Variants in AEN observed in about 807,000 individuals in gnomAD.
The protein encoded by AEN is apoptosis-enhancing nuclease.
AEN carries 21 observed loss-of-function variants against 17.7 expected under a neutral mutation model. That is an observed-to-expected ratio of 1.19 (90% CI 0.84 to 1.71). The LOEUF (loss-of-function observed/expected upper bound fraction) is 1.71. Among genes scored for constraint, AEN ranks in the 40% most tolerant of loss-of-function variants. The pLI is 0.00. For missense variants in AEN, 462 were observed against 435.9 expected (o/e 1.06, Z -0.53); for synonymous variants, 190 against 173.0 (o/e 1.10, Z -0.77).
the AEN span, among the ~76,000 whole-genome samples, chr15:88,605,982 C>G: frequency 3.0e-4 from 46 of 152,362 alleles, no homozygotes; most frequent in South Asian, 8.3e-3. This position sits in a 1 kb window ranked among gnomAD's most constrained non-coding sequence, Gnocchi z 7.6. Context: ...TCATCTTCCT[C>G]ATTTCTCCAG....
intron 1 of AEN, among the ~76,000 whole-genome samples, chr15:88,623,060 A>G (rs77976405): frequency 6.6e-6 from 1 of 152,166 alleles, no homozygotes; most frequent in African/African-American, 2.4e-5. Flanking sequence ...CAGAGAAAGG[A>G]GGGGACTATC....
At chr15:88,623,600 G>A (rs987819550) in intron 1 of AEN, among the ~76,000 whole-genome samples, 3 of 152,204 alleles carry the variant, frequency 2.0e-5, no homozygotes, top group Non-Finnish European at 2.9e-5. Context: ...ACTTTGAAGG[G>A]TGTAATAATT....
chr15:88,611,129 G>A, the AEN span, among the ~76,000 whole-genome samples: 14 of 152,154 alleles, frequency 9.2e-5, no homozygotes, highest in Non-Finnish European at 1.5e-4. Context: ...TTTTCACCAT[G>A]GGCCATGCCC....
chr15:88,610,112 C>G, the AEN span, among the ~76,000 whole-genome samples: 1 of 152,154 alleles, frequency 6.6e-6, no homozygotes, highest in African/African-American at 2.4e-5. Context: ...TATTACTTCT[C>G]AAAGTTTATT....
the AEN span, among the ~76,000 whole-genome samples, chr15:88,612,545 G>A: frequency 6.6e-6 from 1 of 151,950 alleles, no homozygotes; most frequent in African/African-American, 2.4e-5. Flanking sequence ...ATTAGAATTA[G>A]TGATCAGAAA....
rs1273856659 is a variant in AEN, at chr15:88,630,181, G to T, written c.865G>T (p.Glu289Ter). The T allele has an allele frequency of 6.2e-7, 1 of 1,613,586 alleles. No homozygotes were observed. The highest frequency in any genetic ancestry group is 8.5e-7 in the Non-Finnish European group (1 of 1,179,784). ...CCTCTGGACCTGCCCCGAGGACAGA[G>T]AACCTGACAGCAGCACAGACATGGA... ...RSLWTCPEDR[E>*]PDSSTDMEQY... is the part of the protein sequence containing the mutation. The change falls in exon 4 of 4, where the codon GAA (glutamate) becomes TAA (stop). Residue 289 changes from glutamate to a stop codon, truncating the protein, a stop_gained. Transcript: ENST00000332810. LOFTEE classifies it low-confidence loss of function (END_TRUNC). This position sits in a 1 kb window ranked among gnomAD's most constrained non-coding sequence, Gnocchi z 5.1.
At chr15:88,621,414 G>C (rs931262717) in intron 1 of AEN, 32 bp downstream of exon 1, 1 of 152,556 alleles carries the variant, frequency 6.6e-6, no homozygotes, top group South Asian at 2.1e-4. Flanking sequence ...CGGGGCGGCG[G>C]GGTCGGGCGG....
chr15:88,629,561 G>C, intron 3 of AEN, 135 bp downstream of exon 3: 1 of 1,032,684 alleles, frequency 9.7e-7, no homozygotes, highest in Non-Finnish European at 1.4e-6. Context: ...CAGGGACCTT[G>C]CTTAAATGGG....
In AEN at chr15:88,626,161, G is replaced by A. The variant is rs749224406; in HGVS notation, c.-49G>A. On this transcript the variant is annotated 5_prime_UTR_variant, in exon 2 of 4. Transcript: ENST00000332810. Reference sequence around the variant, plus strand: ...CTCTCTTCAGGCTGCTGCCCCATTGGAAGATTACTCCCCAGGCTTCCCTTG... The same window carrying A: ...CTCTCTTCAGGCTGCTGCCCCATTGAAAGATTACTCCCCAGGCTTCCCTTG... The A allele has an allele frequency of 2.0e-6, 3 of 1,518,968 alleles. No homozygotes were observed. The highest frequency in any genetic ancestry group is 1.8e-6 in the Non-Finnish European group (2 of 1,137,520). 94.1% of individuals were successfully genotyped at this position (1,518,968 alleles called of 1,614,324 possible). A position where few individuals can be genotyped will look rare whatever the true frequency, so the allele number is the denominator to read the frequency against.
At chr15:88,616,781 T>A (rs971909622), upstream of AEN, among the ~76,000 whole-genome samples, 4 of 152,218 alleles carry the variant, frequency 2.6e-5, no homozygotes, top group African/African-American at 9.6e-5. Flanking sequence ...TTCAGTACAG[T>A]CGTGAATAAA....
upstream of AEN, among the ~76,000 whole-genome samples, chr15:88,618,286 G>T (rs993820283): frequency 7.9e-5 from 12 of 151,922 alleles, no homozygotes; most frequent in African/African-American, 2.7e-4. Flanking sequence ...TTTTATCCAA[G>T]CATAATATAT....
intron 1 of AEN, among the ~76,000 whole-genome samples, chr15:88,625,585 G>T (rs1050630555): frequency 9.9e-5 from 15 of 152,200 alleles, no homozygotes; most frequent in African/African-American, 3.6e-4. Context: ...GTTACTGCGG[G>T]CTTCCTATGA....
At chr15:88,609,911 C>T in the AEN span, among the ~76,000 whole-genome samples, 52 of 152,006 alleles carry the variant, frequency 3.4e-4, no homozygotes, top group South Asian at 2.3e-3. Context: ...AGGCTGTGCG[C>T]GAGGCACTTG....
At chr15:88,626,821 C>A in intron 2 of AEN, 72 bp downstream of exon 2, 3 of 1,495,416 alleles carry the variant, frequency 2.0e-6, no homozygotes, top group South Asian at 1.2e-5. Flanking sequence ...TTTGAATCAC[C>A]ACTTTGCTTC....
the AEN span, among the ~76,000 whole-genome samples, chr15:88,605,793 C>G: frequency 6.6e-6 from 1 of 152,204 alleles, no homozygotes; most frequent in Non-Finnish European, 1.5e-5. The surrounding 1 kb of genome is among the most constrained non-coding windows in gnomAD (Gnocchi z 7.6). Context: ...CCTCCCCCAG[C>G]GAATCCGAGC....
chr15:88,612,133 T>A, the AEN span, among the ~76,000 whole-genome samples: 16 of 152,186 alleles, frequency 1.1e-4, no homozygotes, highest in Non-Finnish European at 2.1e-4. Context: ...AGCAGTGGAC[T>A]GCTTCCATAC....
upstream of AEN, among the ~76,000 whole-genome samples, chr15:88,620,921 A>G (rs768364300): frequency 6.6e-6 from 1 of 152,120 alleles, no homozygotes; most frequent in East Asian, 1.9e-4. Flanking sequence ...CCTACTGTGT[A>G]TATTATTTCC....
At chr15:88,614,989 G>A in the AEN span, among the ~76,000 whole-genome samples, 12 of 152,130 alleles carry the variant, frequency 7.9e-5, no homozygotes, top group African/African-American at 2.9e-4. Context: ...TCAGCCTCCC[G>A]AACAGCTGGG....
chr15:88,618,215 G>T (rs1417627226), upstream of AEN, among the ~76,000 whole-genome samples: 2 of 150,452 alleles, frequency 1.3e-5, no homozygotes, highest in African/African-American at 2.4e-5. Context: ...ATCTGGGTCT[G>T]TTTTTTTATT....
Sources: gnomAD v4.1 joint callset for allele counts (sites outside exome capture counted in the v4.1 genomes callset) on GRCh38, gnomAD v4.1.1 for gene constraint, Gnocchi (gnomAD v3.1) non-coding constraint, MANE v1.5 for transcripts, NCBI Gene and HGNC (gene_info 2026-07-23, HGNC 2026-07-21) for gene names.